The following ZNF431 variants were observed in gnomAD, a reference collection of about 807,000 sequenced individuals.
ZNF431 encodes the protein zinc finger protein 431.
Under a neutral mutation model 57.0 loss-of-function variants are expected in ZNF431, and 34 were observed. The observed-to-expected ratio is 0.60, with a 90% confidence interval of 0.45 to 0.79. ZNF431 has a LOEUF of 0.79. Ranked by LOEUF, ZNF431 falls within the 30% of genes least tolerant of loss-of-function variation. ZNF431 has a pLI of 0.00. For synonymous variants in ZNF431, 207 were observed against 220.3 expected (o/e 0.94, Z 0.54); for missense variants, 607 against 667.1 (o/e 0.91, Z 0.99).
intron 2 of ZNF431, among the ~76,000 whole-genome samples, chr19:21,152,723 T>C (rs987871004): frequency 6.6e-6 from 1 of 152,154 alleles, no homozygotes; most frequent in Non-Finnish European, 1.5e-5. Flanking sequence ...GTTGTGCCTC[T>C]AACCCAATCC....
At chr19:21,156,817 A>G (rs1970429395) in intron 2 of ZNF431, among the ~76,000 whole-genome samples, 1 of 152,084 alleles carries the variant, frequency 6.6e-6, no homozygotes, top group Non-Finnish European at 1.5e-5. Context: ...CTCTGTCACA[A>G]AGGCTGAAGT....
intron 4 of ZNF431, among the ~76,000 whole-genome samples, chr19:21,171,119 A>G (rs1970875009): frequency 6.6e-6 from 1 of 152,218 alleles, no homozygotes; most frequent in Non-Finnish European, 1.5e-5. Context: ...TAAGAATAGC[A>G]TATATTTAAA....
chr19:21,159,553 C>T (rs532622666), intron 2 of ZNF431, among the ~76,000 whole-genome samples: 7 of 152,042 alleles, frequency 4.6e-5, no homozygotes, highest in Admixed American at 1.3e-4. Flanking sequence ...TTGTATTTCT[C>T]GTAAAGACGG....
chr19:21,147,425 G>A (rs1970131961), intron 2 of ZNF431, among the ~76,000 whole-genome samples: 1 of 152,112 alleles, frequency 6.6e-6, no homozygotes, highest in African/African-American at 2.4e-5. Context: ...GGGAGGCAGA[G>A]GTTGCAGTGA....
At chr19:21,153,073 C>T (rs1167304308) in intron 2 of ZNF431, among the ~76,000 whole-genome samples, 3 of 152,122 alleles carry the variant, frequency 2.0e-5, no homozygotes, top group Non-Finnish European at 4.4e-5. Flanking sequence ...ATATTTATGC[C>T]TCTCCTTTTT....
chr19:21,193,808 G>A lies in ZNF431; in HGVS notation c.*9774G>A, dbSNP rs1236630674. On this transcript the variant is annotated 3_prime_UTR_variant, in exon 5 of 5. Transcript: ENST00000311048. ...AATTTATATGATTAACACAATAGAT[G>A]CAGAAAAAGCATTCAAGAAAATCCA... The A allele has an allele frequency of 6.6e-6, 1 of 152,096 alleles. No homozygotes were observed. The highest frequency in any genetic ancestry group is 1.5e-5 in the Non-Finnish European group (1 of 68,022). The allele number at this position is 152,096 out of a possible 1,614,324, so 9.4% of individuals were successfully genotyped here. A position where few individuals can be genotyped will look rare whatever the true frequency, so the allele number is the denominator to read the frequency against.
rs747668357 is a variant in ZNF431, at chr19:21,183,356, A to G, written c.1053A>G (p.Lys351=). Residue 351 remains lysine, a synonymous_variant, in exon 5 of 5, where the codon AAA becomes AAG. Coordinates refer to ENST00000311048, the MANE Select transcript of ZNF431 (RefSeq NM_133473.4). ...CCTACAAATGTGAGGAATGTGACAA[A>G]GCTTTTAATCGATTCTCATACCTTA... ...EKPYKCEECD[K]AFNRFSYLTK... is the part of the protein sequence containing the mutation. The G allele has an allele frequency of 1.2e-6, 2 of 1,613,746 alleles. No individual in the cohort carries two copies. Among genetic ancestry groups the G allele is most frequent in the Admixed American group, 1.7e-5 (1 of 59,970 alleles).
intron 2 of ZNF431, among the ~76,000 whole-genome samples, chr19:21,149,223 T>A (rs1173680884): frequency 6.6e-6 from 1 of 152,198 alleles, no homozygotes; most frequent in African/African-American, 2.4e-5. Context: ...TTATTTAGAA[T>A]CTACTGGCTT....
chr19:21,180,428 C>G (rs907883050), intron 4 of ZNF431, among the ~76,000 whole-genome samples: 1 of 152,140 alleles, frequency 6.6e-6, no homozygotes, highest in East Asian at 1.9e-4. Context: ...TTTTTCTCCA[C>G]TTATGCAGAC....
chr19:21,174,416 C>T (rs73028563), intron 4 of ZNF431, among the ~76,000 whole-genome samples: 24,364 of 152,058 alleles, frequency 0.16, 2,201 homozygotes, highest in African/African-American at 0.24. Flanking sequence ...GCCCTTATGT[C>T]ATATGTATGT....
At chr19:21,180,935 A>G (rs1053400371) in intron 4 of ZNF431, among the ~76,000 whole-genome samples, 2 of 150,314 alleles carry the variant, frequency 1.3e-5, no homozygotes, top group African/African-American at 2.5e-5. Flanking sequence ...GTGAGACTCC[A>G]TATCAAAAGA....
At chr19:21,173,729 G>C (rs1599608530) in intron 4 of ZNF431, among the ~76,000 whole-genome samples, 1 of 152,012 alleles carries the variant, frequency 6.6e-6, no homozygotes, top group East Asian at 1.9e-4. Flanking sequence ...CTTTCACAGT[G>C]TTGGCCAGGC....
rs73541764 is a variant in ZNF431, at chr19:21,182,323, T to C, written c.320-300T>C. Among the ~76,000 whole-genome samples, 994 of 152,340 alleles carry C rather than the reference T, an allele frequency of 6.5e-3. 15 individuals carry two copies. Among genetic ancestry groups the C allele is most frequent in the African/African-American group, 0.023 (964 of 41,594 alleles). Reference sequence around the variant, plus strand: ...AAAGGCACTATGTTGTATTGTTGAGTAGGAAGAACTGTGTTGGGTAAATGT... The same window carrying C: ...AAAGGCACTATGTTGTATTGTTGAGCAGGAAGAACTGTGTTGGGTAAATGT... On this transcript the variant is annotated intron_variant, in intron 4 of 4. Transcript: ENST00000311048.
At chr19:21,153,794 G>A (rs553037986) in intron 2 of ZNF431, among the ~76,000 whole-genome samples, 97 of 152,178 alleles carry the variant, frequency 6.4e-4, no homozygotes, top group Non-Finnish European at 1.0e-3. Context: ...TTGGCTCACC[G>A]CAACCTCTGC....
chr19:21,149,318 A>G (rs1275432022), intron 2 of ZNF431, among the ~76,000 whole-genome samples: 1 of 152,232 alleles, frequency 6.6e-6, no homozygotes, highest in South Asian at 2.1e-4. Context: ...TATGTGACCT[A>G]TATAACTTAG....
intron 4 of ZNF431, among the ~76,000 whole-genome samples, chr19:21,170,709 T>C (rs1970863361): frequency 6.6e-6 from 1 of 151,994 alleles, no homozygotes; most frequent in Non-Finnish European, 1.5e-5. Context: ...AGTGTCAATC[T>C]GTCACCCAGG....
rs779907560 is a variant in ZNF431, at chr19:21,183,638, A to G, written c.1335A>G (p.Ala445=). ...TTAACCGGTCCCCACAACTTACTGC[A>G]CATAAGATAATTCATACTGGAGAGA... The part of the protein sequence containing the change: ...KAFNRSPQLT[A]HKIIHTGEKP... The change falls in exon 5 of 5, where the codon GCA becomes GCG. Residue 445 remains alanine, a synonymous_variant. Coordinates refer to ENST00000311048, the MANE Select transcript of ZNF431 (RefSeq NM_133473.4). 1.2e-6 allele frequency: 2 copies of G among 1,613,488 alleles called. No homozygotes were observed. Among genetic ancestry groups the G allele is most frequent in the South Asian group, 2.2e-5 (2 of 91,054 alleles).
rs2069381671 is a variant in ZNF431, at chr19:21,186,902, T to C, written c.*2868T>C. 6.6e-6 allele frequency: 1 copy of C among 152,204 alleles called. No individual in the cohort carries two copies. The highest frequency in any genetic ancestry group is 6.5e-5 in the Admixed American group (1 of 15,282). The allele number at this position is 152,204 out of a possible 1,614,324, so 9.4% of individuals were successfully genotyped here. On this transcript the variant is annotated 3_prime_UTR_variant, in exon 5 of 5. Transcript: ENST00000311048. ...ATATAGGTTTTCTTTAGTGATTTGT[T>C]CCTTTCACTTTTTATAATTGACATA...
chr19:21,175,113 G>T (rs924561541), intron 4 of ZNF431, among the ~76,000 whole-genome samples: 2 of 152,054 alleles, frequency 1.3e-5, no homozygotes, highest in Non-Finnish European at 2.9e-5. Context: ...GTTTGCAGTG[G>T]CATGATCACG....
Sources: allele counts gnomAD v4.1 joint callset (sites outside exome capture counted in the v4.1 genomes callset), GRCh38; gene constraint gnomAD v4.1.1; transcripts MANE v1.5; gene names NCBI Gene and HGNC (gene_info 2026-07-23, HGNC 2026-07-21).